The following LYPD6B variants were observed in gnomAD, a reference collection of about 807,000 sequenced individuals.
LYPD6B encodes the protein LY6/PLAUR domain containing 6B, also known as ly6/PLAUR domain-containing protein 6B.
Under a neutral mutation model 22.8 loss-of-function variants are expected in LYPD6B, and 17 were observed. The observed-to-expected ratio is 0.75, with a 90% CI of 0.51 to 1.12. The LOEUF (loss-of-function observed/expected upper bound fraction) is 1.12. Ranked by LOEUF, LYPD6B falls within the 50% of genes most tolerant of loss-of-function variation. The pLI is 0.00. For missense variants in LYPD6B, 221 were observed against 258.3 expected (o/e 0.86, Z 0.99); for synonymous variants, 106 against 91.6 (o/e 1.16, Z -0.90).
intron 1 of LYPD6B, among the ~76,000 whole-genome samples, chr2:149,121,543 G>A (rs907576579): frequency 6.6e-6 from 1 of 152,212 alleles, no homozygotes; most frequent in African/African-American, 2.4e-5. Flanking sequence ...AGTCACAGAA[G>A]TGTGTGCAGG....
intron 3 of LYPD6B, among the ~76,000 whole-genome samples, chr2:149,176,943 C>T (rs1691352186): frequency 6.6e-6 from 1 of 152,228 alleles, no homozygotes; most frequent in African/African-American, 2.4e-5. Context: ...CCACCATCCC[C>T]ATGTCCCTGG....
At chr2:149,166,759 C>G (rs964128523) in intron 3 of LYPD6B, among the ~76,000 whole-genome samples, 1 of 152,078 alleles carries the variant, frequency 6.6e-6, no homozygotes, top group East Asian at 1.9e-4. Flanking sequence ...CATGTTCACC[C>G]TAATATGGAC....
At chr2:149,115,033 G>A (rs1686934830) in intron 1 of LYPD6B, among the ~76,000 whole-genome samples, 1 of 152,124 alleles carries the variant, frequency 6.6e-6, no homozygotes, top group South Asian at 2.1e-4. Flanking sequence ...TCTGCCTCCA[G>A]GTTCAATTGA....
intron 1 of LYPD6B, among the ~76,000 whole-genome samples, chr2:149,123,022 A>G (rs1687472195): frequency 6.6e-6 from 1 of 152,222 alleles, no homozygotes; most frequent in South Asian, 2.1e-4. Flanking sequence ...GTTTGATCCC[A>G]GAGCACTGTT....
At chr2:149,110,046 C>T (rs915518590) in intron 1 of LYPD6B, among the ~76,000 whole-genome samples, 2 of 152,208 alleles carry the variant, frequency 1.3e-5, no homozygotes, top group South Asian at 2.1e-4. Context: ...TTTTCCTTCT[C>T]TGTTTTATTT....
intron 3 of LYPD6B, among the ~76,000 whole-genome samples, chr2:149,186,686 C>T (rs1347478192): frequency 6.6e-6 from 1 of 152,166 alleles, no homozygotes; most frequent in African/African-American, 2.4e-5. Flanking sequence ...CTCACAGCAG[C>T]CTCAACTTTC....
intron 1 of LYPD6B, among the ~76,000 whole-genome samples, chr2:149,096,018 T>A (rs1331712186): frequency 6.7e-6 from 1 of 148,690 alleles, no homozygotes; most frequent in Non-Finnish European, 1.5e-5. Context: ...GAAAGACCCA[T>A]GTAGAGAGAC....
intron 1 of LYPD6B, among the ~76,000 whole-genome samples, chr2:149,063,504 T>A (rs1006454532): frequency 1.3e-5 from 2 of 152,244 alleles, no homozygotes; most frequent in African/African-American, 4.8e-5. Flanking sequence ...GATTTGTTGA[T>A]AATGTCTGAC....
At chr2:149,183,443 TA>T (rs1691876628) in intron 3 of LYPD6B, among the ~76,000 whole-genome samples, 2 of 145,522 alleles carry the variant, frequency 1.4e-5, no homozygotes, top group African/African-American at 5.0e-5. Context: ...TTTAAGAAAA[TA>T]ATTTTTTTTT....
intron 1 of LYPD6B, among the ~76,000 whole-genome samples, chr2:149,122,966 C>T (rs1451638309): frequency 6.6e-6 from 1 of 152,164 alleles, no homozygotes; most frequent in Admixed American, 6.5e-5. Context: ...CAAGCAGGAC[C>T]ACTTTCAATG....
At chr2:149,194,710 T>G (rs1692700188) in intron 3 of LYPD6B, among the ~76,000 whole-genome samples, 1 of 152,178 alleles carries the variant, frequency 6.6e-6, no homozygotes, top group African/African-American at 2.4e-5. Flanking sequence ...CACCTGCTAT[T>G]GGCCAAACCA....
At chr2:149,102,867 A>G (rs1007887730) in intron 1 of LYPD6B, among the ~76,000 whole-genome samples, 2 of 152,100 alleles carry the variant, frequency 1.3e-5, no homozygotes, top group Admixed American at 6.5e-5. Context: ...CCTGACCTCA[A>G]GTTATCCACC....
intron 1 of LYPD6B, among the ~76,000 whole-genome samples, chr2:149,108,424 A>G (rs148656219): frequency 5.3e-5 from 8 of 152,304 alleles, no homozygotes; most frequent in African/African-American, 1.7e-4. Context: ...GGATTGTTAT[A>G]TCCTCTTTAT....
At chr2:149,178,961 T>G (rs1486736563) in intron 3 of LYPD6B, among the ~76,000 whole-genome samples, 2 of 152,264 alleles carry the variant, frequency 1.3e-5, no homozygotes, top group Admixed American at 6.5e-5. Context: ...TTCTGTCTAC[T>G]ACCGTCGTCA....
At chr2:149,083,171 A>G (rs962731669) in intron 1 of LYPD6B, among the ~76,000 whole-genome samples, 1 of 152,192 alleles carries the variant, frequency 6.6e-6, no homozygotes, top group Non-Finnish European at 1.5e-5. Context: ...CATGCATACC[A>G]TGGCCGTGTG....
chr2:149,088,343 GA>G (rs1685496145), intron 1 of LYPD6B, among the ~76,000 whole-genome samples: 1 of 152,086 alleles, frequency 6.6e-6, no homozygotes, highest in African/African-American at 2.4e-5. Context: ...CAACAATCCA[GA>G]ATATAGTTAG....
intron 3 of LYPD6B, among the ~76,000 whole-genome samples, chr2:149,174,872 C>G (rs901654425): frequency 2.6e-5 from 4 of 151,934 alleles, no homozygotes; most frequent in African/African-American, 7.3e-5. Context: ...GTGCCGCAAA[C>G]CACCATGGCA....
chr2:149,058,193 T>G (rs1683898228), intron 1 of LYPD6B, among the ~76,000 whole-genome samples: 1 of 152,216 alleles, frequency 6.6e-6, no homozygotes, highest in Non-Finnish European at 1.5e-5. Context: ...AATGCGTGAT[T>G]TTCCAACCAA....
intron 1 of LYPD6B, among the ~76,000 whole-genome samples, chr2:149,086,061 G>A (rs903732915): frequency 1.3e-5 from 2 of 152,154 alleles, no homozygotes; most frequent in African/African-American, 4.8e-5. Flanking sequence ...CCTTTTCAAT[G>A]CATGGATGCA....
Sources: allele counts gnomAD v4.1 joint callset (sites outside exome capture counted in the v4.1 genomes callset), GRCh38; gene constraint gnomAD v4.1.1; transcripts MANE v1.5; gene names NCBI Gene and HGNC (gene_info 2026-07-23, HGNC 2026-07-21).